Variants in UBE3B observed in about 807,000 individuals in gnomAD.
UBE3B encodes the protein ubiquitin protein ligase E3B.
In UBE3B, 80 loss-of-function variants were observed where a neutral mutation model predicts 132.3. That is an observed-to-expected ratio of 0.60 (90% confidence interval 0.50 to 0.73). UBE3B has a LOEUF of 0.73. UBE3B is among the 30% of genes least tolerant of loss of function. UBE3B has a pLI of 0.00. For missense variants in UBE3B, 1,196 were observed against 1,362.5 expected (o/e 0.88, Z 1.92); for synonymous variants, 487 against 520.4 (o/e 0.94, Z 0.87).
the UBE3B span, among the ~76,000 whole-genome samples, chr12:109,541,796 C>G: frequency 1.3e-5 from 2 of 152,192 alleles, no homozygotes; most frequent in African/African-American, 4.8e-5. Context: ...CTGGTGGCCC[C>G]TGCGTGCTTG....
At chr12:109,480,877 T>A (rs934710030) in intron 1 of UBE3B, among the ~76,000 whole-genome samples, 4 of 152,186 alleles carry the variant, frequency 2.6e-5, no homozygotes, top group African/African-American at 9.7e-5. Context: ...TAGTTCATGC[T>A]AGTTTTGTAT....
At chr12:109,506,506 G>A (rs556496211) in intron 14 of UBE3B, among the ~76,000 whole-genome samples, 283 of 152,232 alleles carry the variant, frequency 1.9e-3, no homozygotes, top group African/African-American at 6.0e-3. Flanking sequence ...TGGCCACCAC[G>A]CCCGGCTGAT....
chr12:109,538,992 T>C (rs1029285433), downstream of UBE3B, among the ~76,000 whole-genome samples: 3 of 152,136 alleles, frequency 2.0e-5, no homozygotes, highest in Non-Finnish European at 4.4e-5. This position sits in a 1 kb window ranked among gnomAD's most constrained non-coding sequence, Gnocchi z 4.1. Context: ...TCTGAACACT[T>C]TGGGAGGCTG....
At chr12:109,489,017 G>T (rs1428358666) in intron 7 of UBE3B, among the ~76,000 whole-genome samples, 2 of 152,148 alleles carry the variant, frequency 1.3e-5, no homozygotes, top group Non-Finnish European at 2.9e-5. Flanking sequence ...ATTCTATTTT[G>T]CCCATAAAAT....
chr12:109,537,260 G>T (rs1288767927), downstream of UBE3B, among the ~76,000 whole-genome samples: 5 of 152,184 alleles, frequency 3.3e-5, no homozygotes, highest in African/African-American at 2.4e-5. Flanking sequence ...CCTTAGTGAG[G>T]ATTGCACTTG....
intron 1 of UBE3B, among the ~76,000 whole-genome samples, chr12:109,479,945 A>G (rs1875077107): frequency 6.6e-6 from 1 of 152,106 alleles, no homozygotes; most frequent in African/African-American, 2.4e-5. Context: ...TCTGCATGTC[A>G]TGGAGGGAGC....
At chr12:109,502,323 G>T (rs1374898038) in intron 13 of UBE3B, among the ~76,000 whole-genome samples, 1 of 152,202 alleles carries the variant, frequency 6.6e-6, no homozygotes, top group Non-Finnish European at 1.5e-5. Flanking sequence ...CACAGGCGGG[G>T]CTAGCGCTTC....
In UBE3B at chr12:109,511,291, C is replaced by T. The variant is rs1880340822; in HGVS notation, c.1944C>T (p.Ile648=). The T allele has an allele frequency of 1.2e-6, 2 of 1,614,084 alleles. No individual in the cohort carries two copies. The highest frequency in any genetic ancestry group is 1.7e-4 in the Middle Eastern group (1 of 6,060). The part of the protein sequence containing the change: ...QLILQYIPHV[I]PHKNRVLLFR... ...TCCTGCAGTACATCCCACATGTCATCCCTCACAAAAACGTGAGTTGCACTC... is the reference window on the plus strand; with the variant it reads ...TCCTGCAGTACATCCCACATGTCATTCCTCACAAAAACGTGAGTTGCACTC... The change falls in exon 18 of 28, where the codon ATC becomes ATT. Residue 648 remains isoleucine (I), a synonymous_variant. Coordinates refer to ENST00000342494, the MANE Select transcript of UBE3B (RefSeq NM_130466.4).
chr12:109,512,707 T>C (rs769382022), intron 18 of UBE3B, among the ~76,000 whole-genome samples: 1 of 152,216 alleles, frequency 6.6e-6, no homozygotes, highest in Non-Finnish European at 1.5e-5. Flanking sequence ...GTCCTTGACT[T>C]TAATACTTAT....
rs765785230 is a variant in UBE3B, at chr12:109,521,240, A to AG, written c.2172dup (p.Ile725AspfsTer2). 6.2e-7 allele frequency: 1 copy of AG among 1,614,226 alleles called. No homozygotes were observed. Among genetic ancestry groups the AG allele is most frequent in the East Asian group, 2.2e-5 (1 of 44,894 alleles). ...TCAATGACCTCGGGGTGGACGAAGC[A>AG]GGGATTGATCAAGACGGTGTTTTTA... is the stretch of plus-strand genomic sequence containing the variant. On this transcript the variant is annotated frameshift_variant, in exon 20 of 28. Transcript: ENST00000342494. LOFTEE classifies it high-confidence loss of function. This position sits in a 1 kb window ranked among gnomAD's most constrained non-coding sequence, Gnocchi z 4.2.
chr12:109,489,916 T>G lies in UBE3B; in HGVS notation c.545-3T>G. ...TTTTGTTCTCACTGTTTTCTTTCTT[T>G]AGGTGAAAGTCTTCGACCAGCGATG... is the stretch of plus-strand genomic sequence containing the variant. On this transcript the variant is annotated splice_region_variant and splice_polypyrimidine_tract_variant and intron_variant, in intron 7 of 27. Transcript: ENST00000342494. The G allele has an allele frequency of 6.2e-7, 1 of 1,614,012 alleles. No homozygotes were observed. The highest frequency in any genetic ancestry group is 8.5e-7 in the Non-Finnish European group (1 of 1,179,864).
intron 9 of UBE3B, among the ~76,000 whole-genome samples, chr12:109,497,036 G>C (rs1013128252): frequency 2.0e-5 from 3 of 151,948 alleles, no homozygotes; most frequent in African/African-American, 7.2e-5. Flanking sequence ...TAGCATTTAG[G>C]TCTGTGGCTC....
intron 5 of UBE3B, 143 bp from the exon 6 acceptor site, chr12:109,486,328 C>T: frequency 1.3e-6 from 1 of 752,910 alleles, no homozygotes; most frequent in Non-Finnish European, 2.2e-6. Context: ...TAAAATAAGT[C>T]CTGTTTACAG....
At chr12:109,501,677 A>AGT (rs1223512987) in intron 13 of UBE3B, 143 bp downstream of exon 13, 2 of 1,056,374 alleles carry the variant, frequency 1.9e-6, no homozygotes, top group African/African-American at 3.2e-5. Flanking sequence ...TTAGAGACAG[A>AGT]GTCTCACTGT....
rs541222485 is a variant in UBE3B at position 109,535,584 on chromosome 12, G to A, written c.*802G>A. 1 of 152,384 alleles carries A rather than the reference G, an allele frequency of 6.6e-6. No homozygotes were observed. The highest frequency in any genetic ancestry group is 2.1e-4 in the South Asian group (1 of 4,830). 9.4% of individuals were successfully genotyped at this position (152,384 alleles called of 1,614,324 possible). On this transcript the variant is annotated 3_prime_UTR_variant, in exon 28 of 28. Coordinates refer to ENST00000342494, the MANE Select transcript of UBE3B (RefSeq NM_130466.4). Reference sequence around the variant, plus strand: ...CAGAATGTGCTGCCTGTTCCCCAAAGCCTGCTTGTCCCGCGGAGGACGGCT... The same window carrying A: ...CAGAATGTGCTGCCTGTTCCCCAAAACCTGCTTGTCCCGCGGAGGACGGCT...
downstream of UBE3B, among the ~76,000 whole-genome samples, chr12:109,538,448 C>T (rs532935357): frequency 3.2e-4 from 48 of 152,336 alleles, no homozygotes; most frequent in Middle Eastern, 3.4e-3. This position sits in a 1 kb window ranked among gnomAD's most constrained non-coding sequence, Gnocchi z 4.1. Context: ...TCCTGCCCCA[C>T]GTGGAGGGCA....
chr12:109,536,929 G>A (rs568788272), downstream of UBE3B, among the ~76,000 whole-genome samples: 2 of 152,124 alleles, frequency 1.3e-5, no homozygotes, highest in African/African-American at 2.4e-5. Context: ...ACCCTCTATG[G>A]GCCCATCCCT....
downstream of UBE3B, among the ~76,000 whole-genome samples, chr12:109,538,972 A>G (rs996135981): frequency 6.6e-6 from 1 of 152,220 alleles, no homozygotes; most frequent in African/African-American, 2.4e-5. This position sits in a 1 kb window ranked among gnomAD's most constrained non-coding sequence, Gnocchi z 4.1. Context: ...TCGGTAGCTC[A>G]TGCCTGTAAT....
chr12:109,500,787 A>G (rs1419600900), intron 12 of UBE3B, among the ~76,000 whole-genome samples: 1 of 152,216 alleles, frequency 6.6e-6, no homozygotes, highest in Non-Finnish European at 1.5e-5. Flanking sequence ...GAAAGATTGA[A>G]TGAGATAATG....
Sources: gnomAD v4.1 joint callset for allele counts (sites outside exome capture counted in the v4.1 genomes callset) on GRCh38, gnomAD v4.1.1 for gene constraint, Gnocchi (gnomAD v3.1) non-coding constraint, MANE v1.5 for transcripts, NCBI Gene and HGNC (gene_info 2026-07-23, HGNC 2026-07-21) for gene names.